The following SLC13A3 variants were observed in gnomAD, a reference collection of about 807,000 sequenced individuals.
SLC13A3 encodes solute carrier family 13 member 3, also known as Na(+)/dicarboxylate cotransporter 3.
A neutral mutation model predicts 59.0 loss-of-function variants in SLC13A3; 40 were observed. The ratio of observed to expected loss-of-function variants is 0.68; its 90% CI spans 0.53 to 0.88. SLC13A3 has a LOEUF of 0.88. Among genes scored for constraint, SLC13A3 ranks in the 40% least tolerant of loss-of-function variants. The pLI, the probability that SLC13A3 is intolerant of heterozygous loss-of-function variation, is 0.00. For synonymous variants in SLC13A3, 317 were observed against 330.3 expected (o/e 0.96, Z 0.44); for missense variants, 699 against 783.2 (o/e 0.89, Z 1.28).
At chr20:46,594,952 T>C (rs1455939291) in intron 5 of SLC13A3, among the ~76,000 whole-genome samples, 1 of 152,194 alleles carries the variant, frequency 6.6e-6, no homozygotes, top group Non-Finnish European at 1.5e-5. Context: ...TACTGAGGGT[T>C]GCACACATAG....
intron 1 of SLC13A3, among the ~76,000 whole-genome samples, chr20:46,650,715 T>A (rs2062943652): frequency 6.6e-6 from 1 of 152,174 alleles, no homozygotes. Flanking sequence ...AAGTGTTCAT[T>A]GTGACTGTCG....
upstream of SLC13A3, among the ~76,000 whole-genome samples, chr20:46,674,340 T>C (rs2063109885): frequency 6.6e-6 from 1 of 152,074 alleles, no homozygotes; most frequent in Non-Finnish European, 1.5e-5. Context: ...AGTTTGGCCT[T>C]GTGGGGCCTT....
At chr20:46,570,710 C>T (rs1052444204) in intron 10 of SLC13A3, among the ~76,000 whole-genome samples, 6 of 152,110 alleles carry the variant, frequency 3.9e-5, no homozygotes, top group Non-Finnish European at 7.4e-5. Context: ...AATCGTATGT[C>T]GAATCGTTGT....
At chr20:46,681,292 C>A (rs2063152538) in intron 1 of SLC13A3, among the ~76,000 whole-genome samples, 1 of 152,160 alleles carries the variant, frequency 6.6e-6, no homozygotes, top group Admixed American at 6.5e-5. Context: ...TAGCACAGTG[C>A]CTGCTACACT....
upstream of SLC13A3, among the ~76,000 whole-genome samples, chr20:46,656,097 TAC>T (rs1011703183): frequency 7.9e-5 from 11 of 138,838 alleles, no homozygotes; most frequent in Non-Finnish European, 1.4e-4. Context: ...ATATATACTG[TAC>T]AGTCTATATT....
intron 1 of SLC13A3, among the ~76,000 whole-genome samples, chr20:46,640,186 C>T (rs2122850825): frequency 6.6e-6 from 1 of 152,278 alleles, no homozygotes; most frequent in South Asian, 2.1e-4. Context: ...TGGCCCAGGA[C>T]ATCAACAAAG....
chr20:46,610,618 C>A lies in SLC13A3; in HGVS notation c.378-9G>T. On this transcript the variant is annotated splice_polypyrimidine_tract_variant and intron_variant, in intron 2 of 12. Transcript: ENST00000279027. ...TCATCCCCAGGATGAGCCTGCAGAGCAGATGGCATTAGAGGCAAATCCAGA... is the reference window on the plus strand; with the variant it reads ...TCATCCCCAGGATGAGCCTGCAGAGAAGATGGCATTAGAGGCAAATCCAGA... The A allele has an allele frequency of 6.2e-7, 1 of 1,607,602 alleles. No homozygotes were observed. Among genetic ancestry groups the A allele is most frequent in the Non-Finnish European group, 8.5e-7 (1 of 1,177,086 alleles).
chr20:46,665,111 T>C (rs906068286), intron 1 of SLC13A3, among the ~76,000 whole-genome samples: 1 of 152,066 alleles, frequency 6.6e-6, no homozygotes, highest in Non-Finnish European at 1.5e-5. Context: ...AAAGTGAATA[T>C]GTCAATTAGC....
At chr20:46,683,273 T>C (rs560648106) in intron 1 of SLC13A3, among the ~76,000 whole-genome samples, 33 of 152,142 alleles carry the variant, frequency 2.2e-4, no homozygotes, top group Admixed American at 1.9e-3. Flanking sequence ...GCCTGAAAAA[T>C]CCAGCTGCAA....
At position 46,558,023 on chromosome 20, in the gene SLC13A3, A is replaced by T. The variant is rs1207238573; in HGVS notation, c.*1999T>A. On this transcript the variant is annotated 3_prime_UTR_variant, in exon 13 of 13. Transcript: ENST00000279027. ...CTGGAGTTACAGCAGTAAAAAAAAT[A>T]ACATTTGTATTTTCATAAATTTATA... 4 of 152,254 alleles carry T rather than the reference A, an allele frequency of 2.6e-5. No homozygotes were observed. The highest frequency in any genetic ancestry group is 5.9e-5 in the Non-Finnish European group (4 of 68,044). 9.4% of individuals were successfully genotyped at this position (152,254 alleles called of 1,614,324 possible).
intron 5 of SLC13A3, 21 bp downstream of exon 5, chr20:46,596,136 G>T: frequency 6.2e-7 from 1 of 1,608,494 alleles, no homozygotes; most frequent in South Asian, 1.1e-5. Context: ...CCTCCCCGCC[G>T]GTGGGGACTC....
At chr20:46,638,015 T>G (rs2062811168) in intron 1 of SLC13A3, among the ~76,000 whole-genome samples, 1 of 152,122 alleles carries the variant, frequency 6.6e-6, no homozygotes, top group Non-Finnish European at 1.5e-5. Context: ...TCTGGTTTAG[T>G]GGGGGTGAGA....
chr20:46,656,959 C>A (rs78301649), intron 1 of SLC13A3, among the ~76,000 whole-genome samples: 1 of 151,960 alleles, frequency 6.6e-6, no homozygotes, highest in Non-Finnish European at 1.5e-5. Flanking sequence ...CTTCTTTGTA[C>A]CTTCTATTAC....
chr20:46,674,602 CGCGTGT>C (rs1357786939), upstream of SLC13A3, among the ~76,000 whole-genome samples: 132 of 114,458 alleles, frequency 1.2e-3, no homozygotes, highest in East Asian at 4.4e-3. Context: ...CGCGCGCGCG[CGCGTGT>C]GTGTGTGTGT....
chr20:46,604,997 T>C (rs973948360), intron 3 of SLC13A3, among the ~76,000 whole-genome samples: 3 of 152,126 alleles, frequency 2.0e-5, no homozygotes, highest in African/African-American at 4.8e-5. Flanking sequence ...CAGCAACTTG[T>C]CTGAGGTTAC....
chr20:46,606,483 T>G (rs929575120), intron 3 of SLC13A3, among the ~76,000 whole-genome samples: 2 of 152,118 alleles, frequency 1.3e-5, no homozygotes, highest in Non-Finnish European at 2.9e-5. Flanking sequence ...AAAATAAAGA[T>G]GTAGATGGCA....
chr20:46,589,045 G>A (rs540313505), intron 7 of SLC13A3, 115 bp downstream of exon 7: 20 of 853,294 alleles, frequency 2.3e-5, no homozygotes, highest in African/African-American at 8.5e-5. Flanking sequence ...CCCACGCCAC[G>A]GGTCCTGGAA....
At chr20:46,583,902 C>T in intron 8 of SLC13A3, 1 of 985,392 alleles carries the variant, frequency 1.0e-6, no homozygotes, top group African/African-American at 1.7e-5. Flanking sequence ...AAATGCTTAT[C>T]TTCCCAACTC....
upstream of SLC13A3, among the ~76,000 whole-genome samples, chr20:46,673,400 A>G (rs1464613241): frequency 6.6e-6 from 1 of 152,120 alleles, no homozygotes; most frequent in Non-Finnish European, 1.5e-5. Flanking sequence ...TGGTCCTTCA[A>G]CCCTTCCCCC....
Sources: allele counts gnomAD v4.1 joint callset (sites outside exome capture counted in the v4.1 genomes callset), GRCh38; gene constraint gnomAD v4.1.1; transcripts MANE v1.5; gene names NCBI Gene and HGNC (gene_info 2026-07-23, HGNC 2026-07-21).